The following CLIC6 variants were observed in gnomAD, a reference collection of about 807,000 sequenced individuals.
CLIC6 encodes chloride intracellular channel protein 6.
A neutral mutation model predicts 49.2 loss-of-function variants in CLIC6; 39 were observed. The ratio of observed to expected loss-of-function variants is 0.79; its 90% CI spans 0.61 to 1.04. The LOEUF is 1.04. CLIC6 is among the 50% of genes least tolerant of loss of function. The pLI is 0.00. For synonymous variants in CLIC6, 446 were observed against 433.4 expected (o/e 1.03, Z -0.36); for missense variants, 988 against 993.1 (o/e 0.99, Z 0.07).
intron 5 of CLIC6, among the ~76,000 whole-genome samples, chr21:34,712,341 T>A (rs149760663): frequency 2.0e-3 from 305 of 152,330 alleles, no homozygotes; most frequent in Non-Finnish European, 2.2e-3. Flanking sequence ...AGCTTCATCT[T>A]TTTTGTAAAA....
At chr21:34,710,820 A>T (rs2056051599) in intron 5 of CLIC6, among the ~76,000 whole-genome samples, 1 of 151,984 alleles carries the variant, frequency 6.6e-6, no homozygotes, top group South Asian at 2.1e-4. Context: ...CTCAGAAAAA[A>T]AACAAAAAAC....
intron 2 of CLIC6, 56 bp downstream of exon 2, chr21:34,707,445 A>ACACACACACACT (rs2145817988): frequency 1.4e-6 from 1 of 696,432 alleles, no homozygotes; most frequent in East Asian, 2.5e-5. Context: ...CTGCACACAC[A>ACACACACACACT]CACACACACA....
chr21:34,690,022 A>G (rs2834581), intron 1 of CLIC6, among the ~76,000 whole-genome samples: 29,163 of 152,144 alleles, frequency 0.19, 3,404 homozygotes, highest in African/African-American at 0.33. Context: ...TTCTTGGAAA[A>G]GACTTTCATT....
At chr21:34,699,396 C>T (rs1293668975) in intron 1 of CLIC6, among the ~76,000 whole-genome samples, 2 of 148,486 alleles carry the variant, frequency 1.3e-5, no homozygotes, top group South Asian at 4.3e-4. Context: ...GGACTACAGG[C>T]GCATGTCACC....
At chr21:34,715,650 A>G (rs1846188879) in intron 5 of CLIC6, among the ~76,000 whole-genome samples, 1 of 152,186 alleles carries the variant, frequency 6.6e-6, no homozygotes, top group Admixed American at 6.5e-5. Context: ...CTTTGTGACT[A>G]ATTCCCCAAC....
At position 34,708,435 on chromosome 21, in the gene CLIC6, G is replaced by A. The variant is rs916625694; in HGVS notation, c.1611-265G>A. On this transcript the variant is annotated intron_variant, in intron 3 of 5. Transcript: ENST00000349499. ...CCATCCCCTTCGTTTTACTAGGGAA[G>A]CACCTGAGACCAGCAAGGCCAGGTG... Among the ~76,000 whole-genome samples the A allele has an allele frequency of 5.3e-5, 8 of 152,280 alleles. No homozygotes were observed. The East Asian group carries it at 1.5e-3, about 29-fold the overall frequency.
Position 34,714,151 on chromosome 21 carries a change from C to A in CLIC6, c.1900-2170C>A, listed in dbSNP as rs564065119. On this transcript the variant is annotated intron_variant, in intron 5 of 5. Coordinates refer to ENST00000349499, the MANE Select transcript of CLIC6 (RefSeq NM_053277.3). ...ACAAAATCATAATCAAAGTAAGAAT[C>A]CAGAAACAGAGAAGGTGTGTGAAAT... 6.6e-5 allele frequency among the ~76,000 whole-genome samples: 10 copies of A among 152,176 alleles called. No homozygotes were observed. The South Asian group carries it at 1.9e-3, about 28-fold the overall frequency.
chr21:34,709,334 G>T (rs1434598212), intron 4 of CLIC6, 23 bp from the exon 5 acceptor site: 1 of 1,600,210 alleles, frequency 6.2e-7, no homozygotes, highest in South Asian at 1.1e-5. Context: ...CTCTCTTTGT[G>T]ATTTCTTGCC....
Position 34,670,746 on chromosome 21 carries a change from T to G in CLIC6, c.1358T>G (p.Ile453Ser). The change falls in exon 1 of 6, where the codon ATC becomes AGC. Residue 453 changes from isoleucine to serine, a missense_variant. Physicochemically the swap from Ile to Ser is moderately radical, Grantham distance 142. Coordinates refer to ENST00000349499, the MANE Select transcript of CLIC6 (RefSeq NM_053277.3). Reference sequence around the variant, plus strand: ...CGGGCCCTGGGGCAGGAGCACGACATCACCCTCTTCGTCAAGGTAAAGCTC... The same window carrying G: ...CGGGCCCTGGGGCAGGAGCACGACAGCACCCTCTTCGTCAAGGTAAAGCTC... The part of the protein sequence containing the change: ...EPRALGQEHD[I>S]TLFVKAGYDG... 4 of 1,599,944 alleles carry G rather than the reference T, an allele frequency of 2.5e-6. No homozygotes were observed. The highest frequency in any genetic ancestry group is 3.4e-6 in the Non-Finnish European group (4 of 1,177,886).
intron 5 of CLIC6, among the ~76,000 whole-genome samples, chr21:34,715,584 G>A (rs2056081231): frequency 6.6e-6 from 1 of 152,170 alleles, no homozygotes; most frequent in Non-Finnish European, 1.5e-5. Flanking sequence ...CCCAGCATGT[G>A]TTACTTTATT....
In CLIC6 at chr21:34,670,547, G is replaced by C. The variant is rs1226010748; in HGVS notation, c.1159G>C (p.Ala387Pro). 6.7e-7 allele frequency: 1 copy of C among 1,499,572 alleles called. No individual in the cohort carries two copies. The allele number at this position is 1,499,572 out of a possible 1,614,324, so 92.9% of individuals were successfully genotyped here. ...GGAGGGGCCAAGGGAGGAGGAAGCAGCGGGGGGCGAAGAGGAATCCCCCGA... is the reference window on the plus strand; with the variant it reads ...GGAGGGGCCAAGGGAGGAGGAAGCACCGGGGGGCGAAGAGGAATCCCCCGA... Reference protein sequence around the residue: ...SPEGPREEEAAGGEEESPDSS... With the variant: ...SPEGPREEEAPGGEEESPDSS... Residue 387 changes from alanine (A) to proline (P), a missense_variant, in exon 1 of 6, where the codon GCG becomes CCG. Transcript: ENST00000349499.
chr21:34,671,304 A>G (rs947469833), intron 1 of CLIC6, among the ~76,000 whole-genome samples: 3 of 152,070 alleles, frequency 2.0e-5, no homozygotes, highest in African/African-American at 4.8e-5. Context: ...AATGTTTTCA[A>G]CTCCAAAAAG....
intron 1 of CLIC6, among the ~76,000 whole-genome samples, chr21:34,698,941 T>A (rs1990138279): frequency 6.6e-6 from 1 of 152,142 alleles, no homozygotes; most frequent in Non-Finnish European, 1.5e-5. Context: ...GGCAAGAGAC[T>A]GATGATCAGG....
At chr21:34,685,836 A>C (rs1601267839) in intron 1 of CLIC6, among the ~76,000 whole-genome samples, 1 of 152,346 alleles carries the variant, frequency 6.6e-6, no homozygotes. Context: ...GGCTAAGGGA[A>C]GTCCTGCACA....
intron 1 of CLIC6, among the ~76,000 whole-genome samples, chr21:34,671,460 T>C (rs145893259): frequency 2.6e-4 from 40 of 152,292 alleles, no homozygotes; most frequent in African/African-American, 9.6e-4. Flanking sequence ...ATGTCATGTT[T>C]TTAACCTCAG....
rs1479268080 is a variant in CLIC6, at chr21:34,700,709, C to T, written c.1375-6571C>T. Among the ~76,000 whole-genome samples the T allele has an allele frequency of 3.6e-5, 5 of 139,878 alleles. 2 individuals carry two copies. Among genetic ancestry groups the T allele is most frequent in the African/African-American group, 1.4e-4 (5 of 35,068 alleles). The allele number at this position is 139,878 out of a possible 152,430, so 91.8% of individuals were successfully genotyped here. A position where few individuals can be genotyped will look rare whatever the true frequency, so the allele number is the denominator to read the frequency against. ...TCGAGGGGGTGGTAGGAAAAGTCAG[C>T]CGCCCACTGCTCAGGCTTTCTTAAC... On this transcript the variant is annotated intron_variant, in intron 1 of 5. Transcript: ENST00000349499.
chr21:34,678,299 G>A (rs561522747), intron 1 of CLIC6, among the ~76,000 whole-genome samples: 3 of 151,078 alleles, frequency 2.0e-5, no homozygotes, highest in East Asian at 3.9e-4. Context: ...AAAGTCACCC[G>A]GGCGTGGTGG....
chr21:34,674,555 CA>C (rs1989627791), intron 1 of CLIC6, among the ~76,000 whole-genome samples: 1 of 152,040 alleles, frequency 6.6e-6, no homozygotes, highest in Non-Finnish European at 1.5e-5. Flanking sequence ...ATTAATTTGT[CA>C]GTTTGTTTTA....
chr21:34,710,796 G>A (rs2056051397), intron 5 of CLIC6, among the ~76,000 whole-genome samples: 1 of 152,076 alleles, frequency 6.6e-6, no homozygotes, highest in Admixed American at 6.5e-5. Context: ...TTGGGTGACA[G>A]AGCAAGACTC....
Sources: allele counts gnomAD v4.1 joint callset (sites outside exome capture counted in the v4.1 genomes callset), GRCh38; gene constraint gnomAD v4.1.1; transcripts MANE v1.5; gene names NCBI Gene and HGNC (gene_info 2026-07-23, HGNC 2026-07-21).